MAP4: variants seen among roughly 807,000 people sequenced by gnomAD.
MAP4 encodes microtubule associated protein 4, also known as microtubule-associated protein 4.
MAP4 carries 76 observed loss-of-function variants against 170.2 expected under a neutral mutation model. The observed-to-expected ratio is 0.45, with a 90% confidence interval of 0.37 to 0.54. The LOEUF is 0.54. MAP4 is among the 20% of genes least tolerant of loss of function. The probability of loss-of-function intolerance (pLI) is 0.00; values close to 1 mark genes in which losing one functional copy is unlikely to be tolerated. For synonymous variants in MAP4, 909 were observed against 994.5 expected (o/e 0.91, Z 1.62); for missense variants, 2,506 against 2,748.0 (o/e 0.91, Z 1.97).
chr3:48,068,810 C>T (rs958619221), intron 1 of MAP4, among the ~76,000 whole-genome samples: 1 of 152,136 alleles, frequency 6.6e-6, no homozygotes, highest in Non-Finnish European at 1.5e-5. Flanking sequence ...TACAGTTCAC[C>T]ATGCCAGGCT....
intron 1 of MAP4, among the ~76,000 whole-genome samples, chr3:48,074,509 C>A (rs200019291): frequency 8.9e-6 from 1 of 112,554 alleles, no homozygotes; most frequent in African/African-American, 4.2e-5. Flanking sequence ...TATACACACA[C>A]TTTTTTTTTT....
At chr3:47,879,798 C>T (rs2096348898) in intron 10 of MAP4, among the ~76,000 whole-genome samples, 1 of 152,204 alleles carries the variant, frequency 6.6e-6, no homozygotes, top group Non-Finnish European at 1.5e-5. Flanking sequence ...TACCCCATCC[C>T]CTTTCCAATC....
chr3:48,032,248 G>A (rs908518691), intron 1 of MAP4, among the ~76,000 whole-genome samples: 3 of 152,054 alleles, frequency 2.0e-5, no homozygotes, highest in African/African-American at 7.2e-5. Context: ...AATAAACTAT[G>A]AACTTTAGTT....
chr3:47,991,910 A>T (rs2100092572), intron 2 of MAP4, among the ~76,000 whole-genome samples: 1 of 151,696 alleles, frequency 6.6e-6, no homozygotes, highest in Non-Finnish European at 1.5e-5. Context: ...ACCTCAGGTG[A>T]TCCACCCGCC....
At chr3:47,973,963 G>A in intron 3 of MAP4, 1 of 985,428 alleles carries the variant, frequency 1.0e-6, no homozygotes, top group Non-Finnish European at 1.2e-6. Context: ...CTTCTGTCCA[G>A]AATCCATAGA....
chr3:47,973,526 T>G, intron 3 of MAP4: 1 of 985,226 alleles, frequency 1.0e-6, no homozygotes, highest in Non-Finnish European at 1.2e-6. Context: ...TGGCTGTTAG[T>G]AGAAAATTTC....
chr3:47,994,509 G>A (rs180703093), intron 2 of MAP4, among the ~76,000 whole-genome samples: 25 of 152,310 alleles, frequency 1.6e-4, no homozygotes, highest in Admixed American at 1.6e-3. Flanking sequence ...ATCTGGGAAT[G>A]AGCCTAGGTG....
chr3:47,883,546 C>T (rs1003459682), intron 10 of MAP4, among the ~76,000 whole-genome samples: 3 of 152,130 alleles, frequency 2.0e-5, no homozygotes, highest in African/African-American at 4.8e-5. Flanking sequence ...TTTACCCATT[C>T]CATTGTTGTT....
At chr3:48,077,536 T>C (rs1242735468) in intron 1 of MAP4, among the ~76,000 whole-genome samples, 1 of 151,300 alleles carries the variant, frequency 6.6e-6, no homozygotes, top group Non-Finnish European at 1.5e-5. Context: ...GGTCTCACCA[T>C]ATTGCCTGCC....
chr3:47,867,157 T>G (rs1339206278), intron 17 of MAP4, 89 bp downstream of exon 17: 2 of 891,312 alleles, frequency 2.2e-6, no homozygotes, highest in Non-Finnish European at 3.6e-6. Context: ...GTCACTGGGA[T>G]TCTATCTACA....
At position 47,851,323 on chromosome 3, in the gene MAP4, G is replaced by A. The variant is rs1227905980; in HGVS notation, c.*1611C>T. 6.6e-6 allele frequency: 1 copy of A among 152,230 alleles called. No individual in the cohort carries two copies. Among genetic ancestry groups the A allele is most frequent in the Non-Finnish European group, 1.5e-5 (1 of 68,050 alleles). The allele number at this position is 152,230 out of a possible 1,614,324, so 9.4% of individuals were successfully genotyped here. On this transcript the variant is annotated 3_prime_UTR_variant, in exon 21 of 21. Transcript: ENST00000683076. ...ACCTCCACAAGGCACTGCTACCTCA[G>A]AAAGGGGGAGGACCTGTCAGGCCCA...
chr3:47,852,508 T>C lies in MAP4; in HGVS notation c.*426A>G. ...GTAGATCCAGGGAGAAGGGAGGGCATGTCAGTTTCTTTTGGGTTTGGACCA... is the reference window on the plus strand; with the variant it reads ...GTAGATCCAGGGAGAAGGGAGGGCACGTCAGTTTCTTTTGGGTTTGGACCA... On this transcript the variant is annotated 3_prime_UTR_variant, in exon 21 of 21. Coordinates refer to ENST00000683076, the MANE Select transcript of MAP4 (RefSeq NM_001385682.1). 1 of 432,410 alleles carries C rather than the reference T, an allele frequency of 2.3e-6. No homozygotes were observed. The allele number at this position is 432,410 out of a possible 1,614,324, so 26.8% of individuals were successfully genotyped here.
chr3:47,915,857 T>C, intron 7 of MAP4, 94 bp downstream of exon 7: 1 of 1,376,200 alleles, frequency 7.3e-7, no homozygotes, highest in African/African-American at 1.4e-5. Flanking sequence ...ACAGTGTGAC[T>C]GTCTGTACTT....
intron 1 of MAP4, among the ~76,000 whole-genome samples, chr3:48,081,932 C>T (rs2100146853): frequency 6.6e-6 from 1 of 152,040 alleles, no homozygotes; most frequent in African/African-American, 2.4e-5. Flanking sequence ...GGGCATCTTA[C>T]AGTGCCAGGA....
In MAP4 at chr3:47,910,794, A is replaced by T; in HGVS notation, c.3627T>A (p.Pro1209=). Residue 1209 remains proline, a synonymous_variant, in exon 9 of 21, where the codon CCT becomes CCA. Coordinates refer to ENST00000683076, the MANE Select transcript of MAP4 (RefSeq NM_001385682.1). Reference sequence around the variant, plus strand: ...TTTTGCCTTCATTGCCTCTCTTTTTAGGCTTTTCAGAAATCCAGGGAGCTG... The same window carrying T: ...TTTTGCCTTCATTGCCTCTCTTTTTTGGCTTTTCAGAAATCCAGGGAGCTG... ...HEAAPWISEK[P]KKRGNEGKSK... is the part of the protein sequence containing the mutation. The T allele has an allele frequency of 1.3e-6, 2 of 1,535,986 alleles. No homozygotes were observed.
chr3:47,939,230 AC>A (rs2100054849), intron 3 of MAP4, among the ~76,000 whole-genome samples: 1 of 152,214 alleles, frequency 6.6e-6, no homozygotes, highest in Non-Finnish European at 1.5e-5. Context: ...ATTCACTGTT[AC>A]TAGGAAAGAA....
At chr3:47,978,403 C>T (rs1259892706) in intron 2 of MAP4, among the ~76,000 whole-genome samples, 1 of 152,120 alleles carries the variant, frequency 6.6e-6, no homozygotes, top group African/African-American at 2.4e-5. Context: ...CTGCAACCTC[C>T]GCCTTCTGGG....
intron 19 of MAP4, 38 bp from the exon 20 acceptor site, chr3:47,853,390 T>A: frequency 1.5e-6 from 2 of 1,354,382 alleles, no homozygotes; most frequent in Non-Finnish European, 2.0e-6. Flanking sequence ...GCAGGGTCAG[T>A]CGAGGGGGGG....
chr3:47,945,709 A>G (rs868851250), intron 3 of MAP4, among the ~76,000 whole-genome samples: 1 of 151,926 alleles, frequency 6.6e-6, no homozygotes, highest in Admixed American at 6.6e-5. Flanking sequence ...ATATTAAAAT[A>G]TTATAATTTA....
Sources: gnomAD v4.1 joint callset for allele counts (sites outside exome capture counted in the v4.1 genomes callset) on GRCh38, gnomAD v4.1.1 for gene constraint, MANE v1.5 for transcripts, NCBI Gene and HGNC (gene_info 2026-07-23, HGNC 2026-07-21) for gene names.